Variants in FBXW10B observed in about 807,000 individuals in gnomAD.
The protein encoded by FBXW10B is F-box and WD repeat domain containing 10B.
At chr17:15,588,818 A>C in the FBXW10B span, 1 of 1,521,616 alleles carries the variant, frequency 6.6e-7, no homozygotes, top group East Asian at 2.3e-5. Context: ...GTTGAGTTGG[A>C]GATGATCACT....
At chr17:15,609,191 C>T in the FBXW10B span, among the ~76,000 whole-genome samples, 1 of 144,472 alleles carries the variant, frequency 6.9e-6, no homozygotes, top group African/African-American at 2.6e-5. Context: ...AAGAACACAG[C>T]ATCATGTTTG....
chr17:15,567,371 A>G, the FBXW10B span, among the ~76,000 whole-genome samples: 1 of 151,786 alleles, frequency 6.6e-6, no homozygotes, highest in Non-Finnish European at 1.5e-5. Flanking sequence ...TAAAAAAAGG[A>G]ATTGTGATGA....
the FBXW10B span, among the ~76,000 whole-genome samples, chr17:15,580,107 T>A: frequency 6.6e-6 from 1 of 151,262 alleles, no homozygotes; most frequent in South Asian, 2.1e-4. Context: ...TTGAAATAAA[T>A]CATCATTCAA....
At chr17:15,614,151 A>G in the FBXW10B span, 2 of 1,272,484 alleles carry the variant, frequency 1.6e-6, no homozygotes, top group Non-Finnish European at 2.2e-6. Flanking sequence ...CTCTAACCTT[A>G]GGCCACTAGA....
At chr17:15,590,628 C>G in the FBXW10B span, among the ~76,000 whole-genome samples, 1 of 149,770 alleles carries the variant, frequency 6.7e-6, no homozygotes, top group Admixed American at 6.6e-5. Flanking sequence ...ACCTGGAGCT[C>G]ACCTGACTTG....
the FBXW10B span, chr17:15,594,784 T>C: frequency 2.5e-5 from 41 of 1,613,940 alleles, no homozygotes; most frequent in East Asian, 9.1e-4. Context: ...GCGCTCGTAC[T>C]TCCCCACCAT....
At chr17:15,594,700 G>A in the FBXW10B span, 5 of 1,602,140 alleles carry the variant, frequency 3.1e-6, no homozygotes, top group African/African-American at 4.0e-5. Flanking sequence ...CTATGACGGG[G>A]AAGGGAAGGA....
the FBXW10B span, chr17:15,615,519 T>C: frequency 6.8e-7 from 1 of 1,465,398 alleles, no homozygotes; most frequent in East Asian, 2.5e-5. Flanking sequence ...TTCACCATGT[T>C]AGCCAGGATG....
chr17:15,570,519 C>T, the FBXW10B span, among the ~76,000 whole-genome samples: 1 of 152,210 alleles, frequency 6.6e-6, no homozygotes, highest in Non-Finnish European at 1.5e-5. Flanking sequence ...GGAAAATGTA[C>T]AGACCAGACT....
the FBXW10B span, among the ~76,000 whole-genome samples, chr17:15,578,848 T>A: frequency 6.6e-6 from 1 of 152,180 alleles, no homozygotes; most frequent in African/African-American, 2.4e-5. Flanking sequence ...GAAGGCTGAA[T>A]CTCAGTGGTC....
the FBXW10B span, among the ~76,000 whole-genome samples, chr17:15,575,431 A>G: frequency 6.7e-6 from 1 of 148,672 alleles, no homozygotes; most frequent in Non-Finnish European, 1.5e-5. Flanking sequence ...AAAATCTATT[A>G]AATTCGCTGC....
At chr17:15,565,718 CCTT>C in the FBXW10B span, 1 of 1,614,020 alleles carries the variant, frequency 6.2e-7, no homozygotes, top group East Asian at 2.2e-5. Flanking sequence ...TCCTTCTCCT[CCTT>C]CACGGTCAAC....
chr17:15,574,163 C>T, the FBXW10B span: 1 of 746,860 alleles, frequency 1.3e-6, no homozygotes, highest in Non-Finnish European at 2.5e-6. Context: ...CAAGCATTTA[C>T]TTTGGTTATT....
the FBXW10B span, among the ~76,000 whole-genome samples, chr17:15,616,640 T>C: frequency 1.3e-5 from 2 of 151,194 alleles, no homozygotes; most frequent in Admixed American, 6.6e-5. Context: ...CCGTCTCTAT[T>C]AGAAATACAA....
chr17:15,615,776 G>T, the FBXW10B span: 2 of 1,613,812 alleles, frequency 1.2e-6, no homozygotes, highest in Non-Finnish European at 1.7e-6. Flanking sequence ...TTTCTCAGGG[G>T]AAAAACACAC....
chr17:15,604,390 A>T, the FBXW10B span, among the ~76,000 whole-genome samples: 1 of 152,340 alleles, frequency 6.6e-6, no homozygotes, highest in South Asian at 2.1e-4. Context: ...GTATAAAATT[A>T]GAATAATATT....
At chr17:15,600,225 A>G in the FBXW10B span, among the ~76,000 whole-genome samples, 1 of 151,932 alleles carries the variant, frequency 6.6e-6, no homozygotes, top group Middle Eastern at 3.4e-3. Context: ...CAAAAAAAAA[A>G]AAAAAATGTA....
the FBXW10B span, among the ~76,000 whole-genome samples, chr17:15,612,389 C>T: frequency 6.6e-6 from 1 of 152,056 alleles, no homozygotes; most frequent in Non-Finnish European, 1.5e-5. Flanking sequence ...TGGCGGGCTC[C>T]TGTAGTCCCA....
At chr17:15,582,938 T>G in the FBXW10B span, among the ~76,000 whole-genome samples, 3 of 149,378 alleles carry the variant, frequency 2.0e-5, no homozygotes, top group Admixed American at 2.0e-4. Flanking sequence ...TGATAAAAAT[T>G]ATGTGGTGGT....
Sources: allele counts gnomAD v4.1 joint callset (sites outside exome capture counted in the v4.1 genomes callset), GRCh38; gene constraint gnomAD v4.1.1; transcripts MANE v1.5; gene names NCBI Gene and HGNC (gene_info 2026-07-23, HGNC 2026-07-21).